The following MVB12B variants were observed in gnomAD, a reference collection of about 807,000 sequenced individuals.
MVB12B encodes the protein multivesicular body subunit 12B, also known as ESCRT-I complex subunit MVB12B.
Under a neutral mutation model 41.6 loss-of-function variants are expected in MVB12B, and 16 were observed. That is an observed-to-expected ratio of 0.38 (90% CI 0.26 to 0.58). MVB12B has a LOEUF of 0.58. Ranked by LOEUF, MVB12B falls within the 20% of genes least tolerant of loss-of-function variation. The pLI, the probability that MVB12B is intolerant of heterozygous loss-of-function variation, is 0.62. For missense variants in MVB12B, 274 were observed against 380.2 expected (o/e 0.72, Z 2.32); for synonymous variants, 133 against 139.7 (o/e 0.95, Z 0.34).
At chr9:126,441,096 C>T (rs1390717816) in intron 7 of MVB12B, among the ~76,000 whole-genome samples, 2 of 152,204 alleles carry the variant, frequency 1.3e-5, no homozygotes, top group African/African-American at 4.8e-5. Context: ...ATGGGAGGTG[C>T]CAGTTTGTAT....
At chr9:126,433,175 T>C (rs1832375121) in intron 7 of MVB12B, among the ~76,000 whole-genome samples, 1 of 152,132 alleles carries the variant, frequency 6.6e-6, no homozygotes, top group South Asian at 2.1e-4. Flanking sequence ...CGGTGACTTA[T>C]GGTGAAGCTT....
At chr9:126,351,358 T>C (rs954740504) in intron 2 of MVB12B, among the ~76,000 whole-genome samples, 2 of 152,332 alleles carry the variant, frequency 1.3e-5, no homozygotes, top group Middle Eastern at 3.4e-3. Flanking sequence ...CCCATCTGTA[T>C]GCCTTTTATT....
intron 9 of MVB12B, among the ~76,000 whole-genome samples, chr9:126,490,153 A>C (rs146914900): frequency 3.5e-4 from 53 of 152,304 alleles, no homozygotes; most frequent in African/African-American, 1.2e-3. Context: ...CCTGGTAAGC[A>C]GTTGCCCCAT....
chr9:126,503,073 G>T (rs767935375), intron 9 of MVB12B, 104 bp from the exon 10 acceptor site: 30 of 1,034,978 alleles, frequency 2.9e-5, no homozygotes, highest in Non-Finnish European at 4.3e-5. Context: ...GATGCCCCAC[G>T]AGGCGGCCCA....
rs1340039036 is a variant in MVB12B at position 126,338,154 on chromosome 9, A to G, written c.82-2354A>G. On this transcript the variant is annotated intron_variant, in intron 1 of 9. Transcript: ENST00000361171. ...CGGAGCCATTTGTCCATATTTCACAAAGGCCGCCTCCGTCCGGGGCACAGC... is the reference window on the plus strand; with the variant it reads ...CGGAGCCATTTGTCCATATTTCACAGAGGCCGCCTCCGTCCGGGGCACAGC... 2.6e-5 allele frequency among the ~76,000 whole-genome samples: 4 copies of G among 152,196 alleles called. No homozygotes were observed. The East Asian group carries it at 7.7e-4, about 29-fold the overall frequency.
intron 6 of MVB12B, among the ~76,000 whole-genome samples, chr9:126,407,045 G>C (rs1348921331): frequency 6.6e-6 from 1 of 152,172 alleles, no homozygotes; most frequent in African/African-American, 2.4e-5. Flanking sequence ...TTCAACACAA[G>C]TGTATATTTT....
intron 6 of MVB12B, among the ~76,000 whole-genome samples, chr9:126,417,463 GGA>G (rs1831861976): frequency 1.3e-5 from 2 of 152,142 alleles, no homozygotes; most frequent in South Asian, 4.1e-4. Flanking sequence ...CCTCCATAAT[GGA>G]GAGAGGTGAG....
intron 6 of MVB12B, chr9:126,396,569 C>T (rs1441899377): frequency 3.0e-6 from 3 of 985,522 alleles, no homozygotes; most frequent in Non-Finnish European, 3.6e-6. Context: ...ATCCACAATA[C>T]AGCCTGCCCT....
At chr9:126,456,759 G>C (rs748533942) in intron 7 of MVB12B, among the ~76,000 whole-genome samples, 5 of 152,128 alleles carry the variant, frequency 3.3e-5, no homozygotes, top group Non-Finnish European at 7.4e-5. Context: ...TGCATTGCAG[G>C]GTGTTCTGTG....
rs957357139 is a variant in MVB12B, at chr9:126,352,826, T to C, written c.204+12196T>C. On this transcript the variant is annotated intron_variant, in intron 2 of 9. Coordinates refer to ENST00000361171, the MANE Select transcript of MVB12B (RefSeq NM_033446.3). ...GTTAGCCAGAGAATCTGTTTATTTC[T>C]AAGCCTGTCATAAATCTTTCCAAAA... Among the ~76,000 whole-genome samples, 20 of 152,386 alleles carry C rather than the reference T, an allele frequency of 1.3e-4. No homozygotes were observed. The South Asian group carries it at 3.9e-3, about 30-fold the overall frequency.
rs574354099 is a variant in MVB12B at position 126,479,343 on chromosome 9, G to A, written c.758-2026G>A. Among the ~76,000 whole-genome samples, 20 of 152,256 alleles carry A rather than the reference G, an allele frequency of 1.3e-4. 1 individual carries two copies. In the East Asian group the frequency reaches 3.3e-3, roughly 25 times the overall value. Reference sequence around the variant, plus strand: ...GGTCAGGCAGATGGTGGTGGGAGCTGGCACACCTCTTCCTGGATATCCGGT... The same window carrying A: ...GGTCAGGCAGATGGTGGTGGGAGCTAGCACACCTCTTCCTGGATATCCGGT... On this transcript the variant is annotated intron_variant, in intron 7 of 9. Transcript: ENST00000361171.
At chr9:126,366,398 A>G (rs1175788776) in intron 2 of MVB12B, among the ~76,000 whole-genome samples, 1 of 151,250 alleles carries the variant, frequency 6.6e-6, no homozygotes, top group Non-Finnish European at 1.5e-5. Flanking sequence ...ATTATGGACT[A>G]TGTAGAAGAT....
Position 126,376,015 on chromosome 9 carries a change from A to G in MVB12B, c.205-5049A>G, listed in dbSNP as rs1380539029. On this transcript the variant is annotated intron_variant, in intron 2 of 9. Coordinates refer to ENST00000361171, the MANE Select transcript of MVB12B (RefSeq NM_033446.3). The surrounding 1 kb of genome is among the most constrained non-coding windows in gnomAD (Gnocchi z 4.1). ...GAAACACTCAGGACCTCTTTAACAC[A>G]GAGGCTCCCCCTCCCCTCCGGTTTT... 1.3e-5 allele frequency among the ~76,000 whole-genome samples: 2 copies of G among 152,170 alleles called. No homozygotes were observed. Among genetic ancestry groups the G allele is most frequent in the Non-Finnish European group, 2.9e-5 (2 of 68,024 alleles).
chr9:126,349,098 A>G (rs1829678449), intron 2 of MVB12B, among the ~76,000 whole-genome samples: 1 of 152,144 alleles, frequency 6.6e-6, no homozygotes. Flanking sequence ...GGAAGCACAG[A>G]GAGCCAGGGA....
chr9:126,409,095 C>T (rs568279608), intron 6 of MVB12B, among the ~76,000 whole-genome samples: 43 of 151,526 alleles, frequency 2.8e-4, no homozygotes, highest in Admixed American at 7.3e-4. Flanking sequence ...CTGGCCACAA[C>T]GGCATCGTGA....
At position 126,379,987 on chromosome 9, in the gene MVB12B, T is replaced by A. The variant is rs77131647; in HGVS notation, c.205-1077T>A. Among the ~76,000 whole-genome samples, 223 of 152,290 alleles carry A rather than the reference T, an allele frequency of 1.5e-3. 5 individuals are homozygous for A. In the East Asian group the frequency reaches 0.037, roughly 25 times the overall value. On this transcript the variant is annotated intron_variant, in intron 2 of 9. Coordinates refer to ENST00000361171, the MANE Select transcript of MVB12B (RefSeq NM_033446.3). ...GGAGCTTGTCAGGTCAAGGACTGGATCCCAAAGTCTGAAGCTCAAAAGGAC... is the reference window on the plus strand; with the variant it reads ...GGAGCTTGTCAGGTCAAGGACTGGAACCCAAAGTCTGAAGCTCAAAAGGAC...
At chr9:126,413,628 G>T (rs1236043313) in intron 6 of MVB12B, among the ~76,000 whole-genome samples, 1 of 152,102 alleles carries the variant, frequency 6.6e-6, no homozygotes, top group Non-Finnish European at 1.5e-5. Context: ...ATCTTCTGTT[G>T]TCTTCCTGCA....
intron 9 of MVB12B, among the ~76,000 whole-genome samples, chr9:126,500,763 C>G (rs1412210401): frequency 1.3e-5 from 2 of 152,380 alleles, no homozygotes; most frequent in African/African-American, 2.4e-5. Flanking sequence ...CTCCTCTGCA[C>G]CTTGGCACCT....
intron 2 of MVB12B, among the ~76,000 whole-genome samples, chr9:126,343,830 T>C (rs1354965143): frequency 6.6e-6 from 1 of 152,072 alleles, no homozygotes; most frequent in East Asian, 1.9e-4. Context: ...GGCAGGACAA[T>C]CGATTGAACC....
Sources: allele counts gnomAD v4.1 joint callset (sites outside exome capture counted in the v4.1 genomes callset), GRCh38; gene constraint gnomAD v4.1.1; non-coding constraint Gnocchi (gnomAD v3.1); transcripts MANE v1.5; gene names NCBI Gene and HGNC (gene_info 2026-07-23, HGNC 2026-07-21).